Variants in GLDC observed in about 807,000 individuals in gnomAD.
GLDC encodes the protein glycine dehydrogenase (decarboxylating), mitochondrial.
Under a neutral mutation model 121.3 loss-of-function variants are expected in GLDC, and 104 were observed. The observed-to-expected ratio is 0.86, with a 90% confidence interval of 0.73 to 1.01. The LOEUF is 1.01. GLDC is among the 50% of genes least tolerant of loss of function. The probability of loss-of-function intolerance (pLI) is 0.00; values close to 1 mark genes in which losing one functional copy is unlikely to be tolerated. For synonymous variants in GLDC, 546 were observed against 480.6 expected (o/e 1.14, Z -1.78); for missense variants, 1,429 against 1,306.6 (o/e 1.09, Z -1.44).
At chr9:6,617,919 C>G (rs556142896) in intron 3 of GLDC, among the ~76,000 whole-genome samples, 22 of 152,312 alleles carry the variant, frequency 1.4e-4, no homozygotes, top group Admixed American at 3.9e-4. Context: ...CCTGCATTCC[C>G]TTAAGTAAAG....
intron 15 of GLDC, among the ~76,000 whole-genome samples, chr9:6,573,879 T>A (rs1818012278): frequency 6.6e-6 from 1 of 152,092 alleles, no homozygotes. Context: ...AAAAAACAGG[T>A]GACTAACAAT....
intron 16 of GLDC, among the ~76,000 whole-genome samples, chr9:6,560,353 C>T (rs1817727005): frequency 6.6e-6 from 1 of 152,310 alleles, no homozygotes; most frequent in Admixed American, 6.5e-5. Flanking sequence ...AAAAAGAAAA[C>T]ATTAGCCAAA....
In GLDC at chr9:6,595,073, G is replaced by A. The variant is rs1563852496; in HGVS notation, c.1202C>T (p.Ser401Phe). 3.1e-6 allele frequency: 5 copies of A among 1,613,300 alleles called. No homozygotes were observed. In the Admixed American group the frequency reaches 8.3e-5, roughly 27 times the overall value. ...MAAMFAIYHG[S>F]HGLEHIARRV... Reference sequence around the variant, plus strand: ...CCTAGCAATATGCTCCAGCCCATGGGAACCATGGTAGATTGCAAACATGGC... The same window carrying A: ...CCTAGCAATATGCTCCAGCCCATGGAAACCATGGTAGATTGCAAACATGGC... Residue 401 changes from serine to phenylalanine, a missense_variant, in exon 9 of 25, where the codon TCC becomes TTC. By Grantham distance (155) the Ser-to-Phe change is radical (BLOSUM62 -2). Coordinates refer to ENST00000321612, the MANE Select transcript of GLDC (RefSeq NM_000170.3).
chr9:6,589,618 T>C (rs77718587), intron 11 of GLDC, among the ~76,000 whole-genome samples: 1 of 152,022 alleles, frequency 6.6e-6, no homozygotes, highest in African/African-American at 2.4e-5. Flanking sequence ...CTAGAGACGA[T>C]GTTTCACCAT....
At chr9:6,541,588 T>A (rs1817258592) in intron 21 of GLDC, 1 of 151,750 alleles carries the variant, frequency 6.6e-6, no homozygotes, top group Non-Finnish European at 1.5e-5. Context: ...GTTGGGAGGC[T>A]GAGGCAGGCA....
At chr9:6,644,533 C>T in intron 2 of GLDC, 81 bp downstream of exon 2, 2 of 941,772 alleles carry the variant, frequency 2.1e-6, no homozygotes, top group Non-Finnish European at 3.5e-6. Context: ...ATCCTTACCC[C>T]AGAGCTCGAT....
Position 6,595,130 on chromosome 9 carries a change from A to G in GLDC, c.1156-11T>C. ...ATTCGCCAAGAGGGCCTAAAAGATA[A>G]GAACATTTAAAGAATCACGTGATGG... On this transcript the variant is annotated splice_polypyrimidine_tract_variant and intron_variant, in intron 8 of 24. Coordinates refer to ENST00000321612, the MANE Select transcript of GLDC (RefSeq NM_000170.3). 3 of 1,561,290 alleles carry G rather than the reference A, an allele frequency of 1.9e-6. No homozygotes were observed. Among genetic ancestry groups the G allele is most frequent in the Non-Finnish European group, 2.7e-6 (3 of 1,131,888 alleles).
chr9:6,583,757 C>T (rs927631556), intron 15 of GLDC, among the ~76,000 whole-genome samples: 2 of 152,156 alleles, frequency 1.3e-5, no homozygotes, highest in Non-Finnish European at 2.9e-5. Flanking sequence ...GTGAAATAAG[C>T]CAGACACAAA....
At position 6,612,931 on chromosome 9, in the gene GLDC, C is replaced by T. The variant is rs142987380; in HGVS notation, c.471-2575G>A. Reference sequence around the variant, plus strand: ...GCAATGAGCCATGATCACGCCTCTGCACTCCCGCCTGGGTGACGGGAGTGA... The same window carrying T: ...GCAATGAGCCATGATCACGCCTCTGTACTCCCGCCTGGGTGACGGGAGTGA... On this transcript the variant is annotated intron_variant, in intron 3 of 24. Transcript: ENST00000321612. 2.0e-3 allele frequency among the ~76,000 whole-genome samples: 311 copies of T among 152,250 alleles called. 1 individual carries two copies. The highest frequency in any genetic ancestry group is 7.1e-3 in the African/African-American group (296 of 41,540).
At chr9:6,559,345 T>C (rs1016749905) in intron 16 of GLDC, among the ~76,000 whole-genome samples, 1 of 151,000 alleles carries the variant, frequency 6.6e-6, no homozygotes, top group African/African-American at 2.4e-5. Flanking sequence ...TGAAACCCCG[T>C]CTCTAGTAAA....
intron 21 of GLDC, among the ~76,000 whole-genome samples, chr9:6,550,114 G>A (rs1362508607): frequency 6.6e-6 from 1 of 152,154 alleles, no homozygotes; most frequent in African/African-American, 2.4e-5. Flanking sequence ...CATCTCAAAT[G>A]GCTCCAGCAA....
intron 15 of GLDC, among the ~76,000 whole-genome samples, chr9:6,585,832 CTATGTATGTATGTATG>C (rs148214664): frequency 4.7e-5 from 7 of 148,204 alleles, no homozygotes; most frequent in Admixed American, 2.7e-4. Flanking sequence ...TATCATTCAT[CTATGTATGTATGTATG>C]TATGTATGTA....
At chr9:6,603,380 G>C (rs1036399627) in intron 7 of GLDC, among the ~76,000 whole-genome samples, 3 of 152,052 alleles carry the variant, frequency 2.0e-5, no homozygotes, top group African/African-American at 4.8e-5. Context: ...ATTTTGGGAG[G>C]CTGGGGTGGG....
In GLDC at chr9:6,632,003, G is replaced by A. The variant is rs541889347; in HGVS notation, c.335-11684C>T. Among the ~76,000 whole-genome samples, 102 of 152,266 alleles carry A rather than the reference G, an allele frequency of 6.7e-4. 5 individuals carry two copies. In the South Asian group the frequency reaches 0.021, roughly 31 times the overall value. ...GGATCTGTTTGGCCCAGGAGGTTGA[G>A]GCTGCAGTGAGCCATGATCATGCCA... On this transcript the variant is annotated intron_variant, in intron 2 of 24. Transcript: ENST00000321612.
At chr9:6,594,312 CCTT>C (rs1818444455) in intron 9 of GLDC, among the ~76,000 whole-genome samples, 1 of 151,914 alleles carries the variant, frequency 6.6e-6, no homozygotes, top group South Asian at 2.1e-4. Context: ...GGGTGTTCAT[CCTT>C]CTTATGTTTG....
intron 21 of GLDC, chr9:6,541,757 G>C (rs1299422351): frequency 7.2e-6 from 1 of 139,368 alleles, no homozygotes; most frequent in Non-Finnish European, 1.5e-5. Context: ...AACCTGGAAG[G>C]TGGTGGTTGC....
intron 2 of GLDC, among the ~76,000 whole-genome samples, chr9:6,621,047 G>A (rs936069528): frequency 3.9e-5 from 6 of 152,186 alleles, no homozygotes; most frequent in East Asian, 1.9e-4. Context: ...GTTCACACCT[G>A]TGGTCCCAGA....
In GLDC at chr9:6,545,348, G is replaced by A. The variant is rs1310102018; in HGVS notation, c.2570-5202C>T. Among the ~76,000 whole-genome samples the A allele has an allele frequency of 2.6e-5, 4 of 152,124 alleles. 1 individual carries two copies. Among genetic ancestry groups the A allele is most frequent in the Admixed American group, 2.6e-4 (4 of 15,268 alleles). ...ACTGTACTGAATACTGTAGGCAATT[G>A]TAACACAATGGTCCGAATCTGTGTA... On this transcript the variant is annotated intron_variant, in intron 21 of 24. Coordinates refer to ENST00000321612, the MANE Select transcript of GLDC (RefSeq NM_000170.3).
At chr9:6,581,234 C>G (rs1315918253) in intron 15 of GLDC, among the ~76,000 whole-genome samples, 1 of 152,242 alleles carries the variant, frequency 6.6e-6, no homozygotes, top group Non-Finnish European at 1.5e-5. Flanking sequence ...CAGCTCTTCA[C>G]TGGGACAAAT....
Sources: gnomAD v4.1 joint callset for allele counts (sites outside exome capture counted in the v4.1 genomes callset) on GRCh38, gnomAD v4.1.1 for gene constraint, MANE v1.5 for transcripts, NCBI Gene and HGNC (gene_info 2026-07-23, HGNC 2026-07-21) for gene names.